Variants in PKIA observed in about 807,000 individuals in gnomAD.
PKIA encodes the protein PKI-alpha.
PKIA carries 4 observed loss-of-function variants against 7.6 expected under a neutral mutation model. The observed-to-expected ratio is 0.52, with a 90% CI of 0.26 to 1.20. The LOEUF is 1.20. Ranked by LOEUF, PKIA falls within the 50% of genes most tolerant of loss-of-function variation. PKIA has a pLI of 0.13. For synonymous variants in PKIA, 21 were observed against 30.7 expected (o/e 0.68, Z 1.04); for missense variants, 73 against 86.2 (o/e 0.85, Z 0.61).
rs1806405657 is a variant in PKIA at position 78,532,260 on chromosome 8, T to G, written c.-157+15792T>G. On this transcript the variant is annotated intron_variant, in intron 1 of 3. Transcript: ENST00000396418. Reference sequence around the variant, plus strand: ...AAAGCTTATTTAATATTAATAAAATTTTACCTTTTATAAAAGTCCATAAAT... The same window carrying G: ...AAAGCTTATTTAATATTAATAAAATGTTACCTTTTATAAAAGTCCATAAAT... Among the ~76,000 whole-genome samples the G allele has an allele frequency of 4.6e-5, 7 of 152,166 alleles. No individual in the cohort carries two copies. In the South Asian group the frequency reaches 1.4e-3, roughly 32 times the overall value.
At chr8:78,539,177 A>T (rs1806610932) in intron 1 of PKIA, among the ~76,000 whole-genome samples, 1 of 152,112 alleles carries the variant, frequency 6.6e-6, no homozygotes, top group Non-Finnish European at 1.5e-5. Context: ...TAATTTTCTG[A>T]ACAGTAACAT....
chr8:78,533,416 T>G (rs1806441749), intron 1 of PKIA, among the ~76,000 whole-genome samples: 1 of 152,174 alleles, frequency 6.6e-6, no homozygotes, highest in African/African-American at 2.4e-5. Flanking sequence ...TCAAGATACT[T>G]TAGGACTTTT....
rs1268185567 is a variant in PKIA, at chr8:78,516,398, T to TCGGCGGGCG, written c.-219_-211dup. ...GGGCCGGCGCGAGCTGACCGAGCACTCGGCGGGCGCGGCGGGACTGCGGCC... is the reference window on the plus strand; with the variant it reads ...GGGCCGGCGCGAGCTGACCGAGCACTCGGCGGGCGCGGCGGGCGCGGCGGGACTGCGGCC... On this transcript the variant is annotated 5_prime_UTR_variant, in exon 1 of 4. Coordinates refer to ENST00000396418, the MANE Select transcript of PKIA (RefSeq NM_006823.4). The TCGGCGGGCG allele has an allele frequency of 1.3e-5, 2 of 152,338 alleles. No homozygotes were observed. The highest frequency in any genetic ancestry group is 4.1e-4 in the South Asian group (2 of 4,864). The allele number at this position is 152,338 out of a possible 1,614,324, so 9.4% of individuals were successfully genotyped here.
At chr8:78,518,797 T>C (rs565067353) in intron 1 of PKIA, among the ~76,000 whole-genome samples, 1 of 152,352 alleles carries the variant, frequency 6.6e-6, no homozygotes, top group Admixed American at 6.5e-5. Flanking sequence ...TGGAGAAATC[T>C]TGTTGAGAAG....
chr8:78,536,333 A>G (rs542758160), intron 1 of PKIA, among the ~76,000 whole-genome samples: 32 of 152,226 alleles, frequency 2.1e-4, no homozygotes, highest in African/African-American at 7.7e-4. Context: ...AAAACATGAT[A>G]TATGTATTTT....
chr8:78,552,953 T>C (rs1477737644), intron 1 of PKIA, among the ~76,000 whole-genome samples: 2 of 151,924 alleles, frequency 1.3e-5, no homozygotes, highest in Non-Finnish European at 2.9e-5. Flanking sequence ...TACAAAATAT[T>C]TGATGACTGC....
intron 2 of PKIA, among the ~76,000 whole-genome samples, chr8:78,594,830 G>A (rs1808192740): frequency 1.3e-5 from 2 of 152,174 alleles, no homozygotes; most frequent in South Asian, 4.1e-4. Flanking sequence ...TAGAAATGTT[G>A]TTTGAAAAAG....
At chr8:78,533,862 A>G (rs932722006) in intron 1 of PKIA, 3 of 152,138 alleles carry the variant, frequency 2.0e-5, no homozygotes, top group African/African-American at 7.2e-5. Flanking sequence ...AAACAAACAA[A>G]CAAAAAGACA....
intron 1 of PKIA, among the ~76,000 whole-genome samples, chr8:78,560,246 T>C (rs926369506): frequency 2.0e-5 from 3 of 152,218 alleles, no homozygotes; most frequent in Non-Finnish European, 4.4e-5. Context: ...TAAATCTGCA[T>C]TTCTGTTTAA....
intron 1 of PKIA, among the ~76,000 whole-genome samples, chr8:78,550,954 T>C (rs1585890137): frequency 6.6e-6 from 1 of 152,104 alleles, no homozygotes; most frequent in Non-Finnish European, 1.5e-5. Context: ...ATTGCCAATG[T>C]CACAGATTTT....
At chr8:78,599,202 A>G (rs1808298742) in intron 3 of PKIA, among the ~76,000 whole-genome samples, 1 of 152,080 alleles carries the variant, frequency 6.6e-6, no homozygotes, top group African/African-American at 2.4e-5. Flanking sequence ...TCTGAGTATT[A>G]GAATAAGTCC....
intron 2 of PKIA, among the ~76,000 whole-genome samples, chr8:78,585,177 G>C (rs1434040596): frequency 6.6e-6 from 1 of 151,892 alleles, no homozygotes; most frequent in East Asian, 1.9e-4. Flanking sequence ...AAATAGTTCA[G>C]TGGATAATCT....
intron 1 of PKIA, among the ~76,000 whole-genome samples, chr8:78,523,900 ATATT>A (rs1420174478): frequency 1.4e-5 from 2 of 143,010 alleles, no homozygotes; most frequent in Non-Finnish European, 3.0e-5. Context: ...ATACATATTT[ATATT>A]TATACATATA....
At chr8:78,527,138 G>A (rs536514851) in intron 1 of PKIA, among the ~76,000 whole-genome samples, 57 of 152,006 alleles carry the variant, frequency 3.7e-4, no homozygotes, top group African/African-American at 1.3e-3. Flanking sequence ...ACTCTTTCAC[G>A]TAAAAAGTAT....
intron 2 of PKIA, among the ~76,000 whole-genome samples, chr8:78,584,983 G>C (rs1477512071): frequency 1.3e-5 from 2 of 152,010 alleles, no homozygotes; most frequent in African/African-American, 4.8e-5. Context: ...TGCTAAGAGA[G>C]TCAATAGTAG....
chr8:78,547,254 G>A (rs1345348434), intron 1 of PKIA, among the ~76,000 whole-genome samples: 2 of 151,866 alleles, frequency 1.3e-5, no homozygotes, highest in Non-Finnish European at 1.5e-5. Flanking sequence ...GATTATAGGC[G>A]CCACCACACC....
chr8:78,594,363 T>TA lies in PKIA; in HGVS notation c.-27-3980dup, dbSNP rs112951068. 2.1e-3 allele frequency among the ~76,000 whole-genome samples: 297 copies of TA among 138,390 alleles called. 1 individual carries two copies. The highest frequency in any genetic ancestry group is 8.1e-3 in the Admixed American group (111 of 13,722). The allele number at this position is 138,390 out of a possible 152,430, so 90.8% of individuals were successfully genotyped here. A position where few individuals can be genotyped will look rare whatever the true frequency, so the allele number is the denominator to read the frequency against. ...ATGTATGAGAGCAAGTGGTTGAAGT[T>TA]AAAAAAAAAAAAAAAGTGAGTCCTT... On this transcript the variant is annotated intron_variant, in intron 2 of 3. Transcript: ENST00000396418.
At chr8:78,549,501 GA>G (rs1397537873) in intron 1 of PKIA, among the ~76,000 whole-genome samples, 1 of 151,774 alleles carries the variant, frequency 6.6e-6, no homozygotes, top group East Asian at 1.9e-4. Context: ...TTGTATAATT[GA>G]TTTAGAAATT....
rs1808361485 is a variant in PKIA, at chr8:78,602,074, A to C, written c.*253A>C. 6.2e-6 allele frequency: 3 copies of C among 486,044 alleles called. No individual in the cohort carries two copies. The highest frequency in any genetic ancestry group is 7.5e-5 in the Admixed American group (2 of 26,624). 30.1% of individuals were successfully genotyped at this position (486,044 alleles called of 1,614,324 possible). On this transcript the variant is annotated 3_prime_UTR_variant, in exon 4 of 4. Coordinates refer to ENST00000396418, the MANE Select transcript of PKIA (RefSeq NM_006823.4). ...GCGTCATTTTTGTATGGATCCTTTC[A>C]CTTGATCATATGACGAAATGCTTAT... is the stretch of plus-strand genomic sequence containing the variant.
Sources: allele counts gnomAD v4.1 joint callset (sites outside exome capture counted in the v4.1 genomes callset), GRCh38; gene constraint gnomAD v4.1.1; transcripts MANE v1.5; gene names NCBI Gene and HGNC (gene_info 2026-07-23, HGNC 2026-07-21).